Variants in ESCO1 observed in about 807,000 individuals in gnomAD.
ESCO1 encodes the protein N-acetyltransferase ESCO1.
A neutral mutation model predicts 83.5 loss-of-function variants in ESCO1; 33 were observed. The observed-to-expected ratio is 0.40, with a 90% CI of 0.30 to 0.53. The LOEUF (loss-of-function observed/expected upper bound fraction) is 0.53, where lower values mean the gene tolerates loss of function less well. Ranked by LOEUF, ESCO1 falls within the 20% of genes least tolerant of loss-of-function variation. The pLI is 0.63. For synonymous variants in ESCO1, 332 were observed against 324.3 expected (o/e 1.02, Z -0.25); for missense variants, 855 against 968.0 (o/e 0.88, Z 1.55).
chr18:21,540,570 T>C (rs376844543), intron 8 of ESCO1: 47 of 1,311,224 alleles, frequency 3.6e-5, no homozygotes, highest in South Asian at 3.4e-4. Flanking sequence ...ATAAAAAATA[T>C]AACTACCTTC....
chr18:21,577,674 A>AC (rs1156543406), intron 2 of ESCO1, among the ~76,000 whole-genome samples: 1 of 151,912 alleles, frequency 6.6e-6, no homozygotes, highest in African/African-American at 2.4e-5. Flanking sequence ...AAAAAAAAAA[A>AC]AAAAGCAGAT....
intron 11 of ESCO1, 41 bp from the exon 12 acceptor site, chr18:21,530,531 A>G (rs1409992211): frequency 7.4e-7 from 1 of 1,357,236 alleles, no homozygotes; most frequent in Non-Finnish European, 9.9e-7. Context: ...TTAAGTGTGA[A>G]ATGTTAAAAA....
Position 21,574,170 on chromosome 18 carries a change from T to C in ESCO1, c.674A>G (p.Glu225Gly), listed in dbSNP as rs757899677. ...ACSSQCTQGS[E>G]KCPQKTTRRD... ...TCTAGTAGTCTTCTGAGGACACTTT[T>C]CAGATCCTTGCGTGCATTGAGAACT... is the stretch of plus-strand genomic sequence containing the variant. The change falls in exon 4 of 12, where the codon GAA becomes GGA. Residue 225 changes from glutamate (E) to glycine (G), a missense_variant. By Grantham distance (98) the Glu-to-Gly change is moderately conservative. Transcript: ENST00000269214. 6.2e-6 allele frequency: 10 copies of C among 1,613,934 alleles called. No individual in the cohort carries two copies. In the South Asian group the frequency reaches 1.1e-4, roughly 18 times the overall value.
chr18:21,576,857 A>T (rs1045442968), intron 2 of ESCO1, among the ~76,000 whole-genome samples: 86 of 151,928 alleles, frequency 5.7e-4, no homozygotes, highest in African/African-American at 2.0e-3. Flanking sequence ...AGATGATGAA[A>T]CCCCGTCTCT....
At chr18:21,583,181 C>CAA (rs2038527176) in intron 2 of ESCO1, among the ~76,000 whole-genome samples, 2 of 151,668 alleles carry the variant, frequency 1.3e-5, no homozygotes, top group Non-Finnish European at 2.9e-5. Context: ...GACTCTGTCT[C>CAA]AAAAACAAAA....
intron 1 of ESCO1, among the ~76,000 whole-genome samples, chr18:21,599,093 G>A (rs1475183264): frequency 6.6e-6 from 1 of 151,790 alleles, no homozygotes; most frequent in Non-Finnish European, 1.5e-5. Context: ...TGTAATCCCA[G>A]CACTTTTGGA....
At position 21,562,169 on chromosome 18, in the gene ESCO1, C is replaced by T. The variant is rs886284236; in HGVS notation, c.1822-1179G>A. On this transcript the variant is annotated intron_variant, in intron 7 of 11. Coordinates refer to ENST00000269214, the MANE Select transcript of ESCO1 (RefSeq NM_052911.3). ...TGCTAGGATTACAGGCATGAGCCAC[C>T]GCACCCAATCCATTCCATTTTTTAA... 7.2e-5 allele frequency among the ~76,000 whole-genome samples: 11 copies of T among 152,094 alleles called. No homozygotes were observed. The East Asian group carries it at 1.7e-3, about 24-fold the overall frequency.
chr18:21,536,333 T>A, intron 9 of ESCO1, 148 bp from the exon 10 acceptor site: 1 of 888,956 alleles, frequency 1.1e-6, no homozygotes, highest in Non-Finnish European at 1.6e-6. Flanking sequence ...TTCACACCTG[T>A]AATCCTACCA....
intron 9 of ESCO1, among the ~76,000 whole-genome samples, chr18:21,537,091 A>T (rs544721198): frequency 6.6e-6 from 1 of 152,226 alleles, no homozygotes; most frequent in Non-Finnish European, 1.5e-5. Flanking sequence ...ATCAAGCAGC[A>T]GAGTCACATG....
intron 7 of ESCO1, among the ~76,000 whole-genome samples, chr18:21,561,850 G>A (rs561485375): frequency 1.3e-5 from 2 of 151,822 alleles, no homozygotes; most frequent in African/African-American, 4.8e-5. Flanking sequence ...TTACAGGTGT[G>A]AGCCACTGCA....
chr18:21,534,280 T>C (rs8083054), intron 10 of ESCO1, among the ~76,000 whole-genome samples: 6,382 of 152,288 alleles, frequency 0.042, 462 homozygotes, highest in African/African-American at 0.15. Flanking sequence ...CGCCAAGGTC[T>C]TATTTTTCAC....
At chr18:21,596,765 G>A (rs1279337018) in intron 1 of ESCO1, among the ~76,000 whole-genome samples, 2 of 152,098 alleles carry the variant, frequency 1.3e-5, no homozygotes, top group Non-Finnish European at 2.9e-5. Flanking sequence ...AAGCCTGGAG[G>A]CAGAGGTTGC....
At chr18:21,589,977 G>A (rs1265741833) in intron 1 of ESCO1, among the ~76,000 whole-genome samples, 3 of 151,492 alleles carry the variant, frequency 2.0e-5, no homozygotes, top group African/African-American at 7.3e-5. Flanking sequence ...ACAGGCACCC[G>A]CCACCACACC....
intron 10 of ESCO1, 73 bp downstream of exon 10, chr18:21,535,969 T>C: frequency 6.5e-7 from 1 of 1,534,720 alleles, no homozygotes; most frequent in Non-Finnish European, 8.8e-7. Context: ...TTTATCAGGA[T>C]TTATGTTATT....
At chr18:21,575,837 A>G (rs1480174406) in intron 2 of ESCO1, 60 bp from the exon 3 acceptor site, 2 of 396,166 alleles carry the variant, frequency 5.0e-6, no homozygotes, top group Non-Finnish European at 4.4e-6. Context: ...GTAATCATCC[A>G]TTCGGCTCTC....
intron 8 of ESCO1, among the ~76,000 whole-genome samples, chr18:21,554,196 A>G (rs1237724630): frequency 6.6e-6 from 1 of 152,230 alleles, no homozygotes; most frequent in Non-Finnish European, 1.5e-5. Context: ...GCAGATAGAA[A>G]TGCAAAAGAA....
intron 1 of ESCO1, among the ~76,000 whole-genome samples, chr18:21,599,802 G>T (rs4800284): frequency 0.32 from 48,547 of 151,986 alleles, 10,671 homozygotes; most frequent in African/African-American, 0.59. Flanking sequence ...GAGAGGCGGA[G>T]GGAGAGGAGG....
chr18:21,569,267 C>T (rs189989699), intron 4 of ESCO1, among the ~76,000 whole-genome samples: 3 of 152,326 alleles, frequency 2.0e-5, no homozygotes, highest in East Asian at 3.9e-4. Context: ...AATTCAGAAC[C>T]TTGCCAAAGC....
At chr18:21,584,257 C>T (rs1568111681) in intron 2 of ESCO1, 53 bp downstream of exon 2, 1 of 151,978 alleles carries the variant, frequency 6.6e-6, no homozygotes, top group Non-Finnish European at 1.5e-5. Flanking sequence ...ATATTTGGTA[C>T]ACTGATTAAT....
Sources: gnomAD v4.1 joint callset for allele counts (sites outside exome capture counted in the v4.1 genomes callset) on GRCh38, gnomAD v4.1.1 for gene constraint, MANE v1.5 for transcripts, NCBI Gene and HGNC (gene_info 2026-07-23, HGNC 2026-07-21) for gene names.